Variants in LIFR observed in about 807,000 individuals in gnomAD.
LIFR encodes LIF receptor subunit alpha.
Under a neutral mutation model 122.2 loss-of-function variants are expected in LIFR, and 84 were observed. The ratio of observed to expected loss-of-function variants is 0.69; its 90% CI spans 0.58 to 0.82. LIFR has a LOEUF of 0.82. LIFR is among the 40% of genes least tolerant of loss of function. The pLI is 0.00. For synonymous variants in LIFR, 422 were observed against 434.7 expected (o/e 0.97, Z 0.36); for missense variants, 1,294 against 1,311.6 (o/e 0.99, Z 0.21).
At chr5:38,499,761 C>T (rs1203377877) in intron 11 of LIFR, among the ~76,000 whole-genome samples, 178 bp from the exon 12 acceptor site, 10 of 152,128 alleles carry the variant, frequency 6.6e-5, no homozygotes, top group Admixed American at 2.0e-4. Flanking sequence ...GCAAAACACA[C>T]GGCCCCCTCG....
chr5:38,510,741 T>C (rs1210876808), intron 6 of LIFR, 23 bp from the exon 7 acceptor site: 7 of 1,584,668 alleles, frequency 4.4e-6, no homozygotes, highest in South Asian at 1.1e-5. Context: ...AGAGGAATTA[T>C]AAACATTTTA....
chr5:38,607,860 T>C (rs1750364148), intron 1 of LIFR: 1 of 152,192 alleles, frequency 6.6e-6, no homozygotes, highest in Admixed American at 6.5e-5. Flanking sequence ...AGTTAACAGG[T>C]GTCAGAAACT....
intron 7 of LIFR, among the ~76,000 whole-genome samples, chr5:38,509,414 AAG>A (rs1322068454): frequency 6.6e-6 from 1 of 152,168 alleles, no homozygotes. Flanking sequence ...AGCAGACAAA[AAG>A]AGAGTCAGAT....
intron 10 of LIFR, among the ~76,000 whole-genome samples, chr5:38,503,695 T>C (rs1745302797): frequency 6.7e-6 from 1 of 149,222 alleles, no homozygotes; most frequent in South Asian, 2.1e-4. Flanking sequence ...TGCTAAAAGT[T>C]ACAGCAAAAA....
rs185813355 is a variant in LIFR, at chr5:38,568,982, C to G, written c.-20+26279G>C. ...TGAGAGGTAGGGGCCTTTATATCCCCAGTGATGATCAGTCATTGATGCCAC... is the reference window on the plus strand; with the variant it reads ...TGAGAGGTAGGGGCCTTTATATCCCGAGTGATGATCAGTCATTGATGCCAC... On this transcript the variant is annotated intron_variant, in intron 1 of 19. Coordinates refer to the LIFR transcript ENST00000263409. 2.6e-5 allele frequency among the ~76,000 whole-genome samples: 4 copies of G among 152,320 alleles called. No individual in the cohort carries two copies. The East Asian group carries it at 7.7e-4, about 29-fold the overall frequency.
chr5:38,582,071 C>G (rs13164200), intron 1 of LIFR, among the ~76,000 whole-genome samples: 6 of 115,268 alleles, frequency 5.2e-5, no homozygotes, highest in African/African-American at 1.6e-4. Context: ...TTTTTTTTTT[C>G]TTTTTTTAGA....
intron 1 of LIFR, among the ~76,000 whole-genome samples, chr5:38,532,893 A>G (rs1268300871): frequency 1.3e-5 from 2 of 152,198 alleles, no homozygotes; most frequent in Non-Finnish European, 2.9e-5. Context: ...CTTATTCCTT[A>G]GAGGAGCACA....
At position 38,537,666 on chromosome 5, in the gene LIFR, T is replaced by TAA. The variant is rs56153135; in HGVS notation, c.-19-7002_-19-7001dup. Among the ~76,000 whole-genome samples, 109 of 150,140 alleles carry TAA rather than the reference T, an allele frequency of 7.3e-4. 1 individual carries two copies. Among genetic ancestry groups the TAA allele is most frequent in the Admixed American group, 3.0e-3 (46 of 15,084 alleles). On this transcript the variant is annotated intron_variant, in intron 1 of 19. Coordinates refer to ENST00000453190, the MANE Select transcript of LIFR (RefSeq NM_001127671.2). The stretch of plus-strand genomic sequence containing the variant: ...TCTCACTAATACCAAGGATTGTCTT[T>TAA]AAAAAAAAAAATTATTCTGTTGGGC...
At chr5:38,544,377 C>T (rs1327115974) in intron 1 of LIFR, among the ~76,000 whole-genome samples, 1 of 152,100 alleles carries the variant, frequency 6.6e-6, no homozygotes, top group African/African-American at 2.4e-5. Context: ...CTTTGGTCAC[C>T]GGCTTCCAGT....
At chr5:38,507,222 G>C (rs1040412552) in intron 7 of LIFR, among the ~76,000 whole-genome samples, 1 of 151,312 alleles carries the variant, frequency 6.6e-6, no homozygotes, top group Non-Finnish European at 1.5e-5. Flanking sequence ...GGCAGGACTA[G>C]AAAAATTAAA....
At chr5:38,574,677 C>T (rs1021971269) in intron 1 of LIFR, among the ~76,000 whole-genome samples, 1 of 152,192 alleles carries the variant, frequency 6.6e-6, no homozygotes, top group Non-Finnish European at 1.5e-5. Context: ...AAGCCCTTTA[C>T]TACCCAGCAC....
At chr5:38,492,828 A>G (rs1445964857) in intron 14 of LIFR, among the ~76,000 whole-genome samples, 1 of 152,210 alleles carries the variant, frequency 6.6e-6, no homozygotes, top group Non-Finnish European at 1.5e-5. Context: ...TACAGGGTCC[A>G]GAAATCCCAT....
intron 2 of LIFR, 91 bp downstream of exon 2, chr5:38,530,415 A>C: frequency 9.3e-7 from 1 of 1,078,704 alleles, no homozygotes; most frequent in Non-Finnish European, 1.4e-6. Flanking sequence ...ACAAAATCCT[A>C]AAGGGGTCAA....
intron 1 of LIFR, among the ~76,000 whole-genome samples, chr5:38,543,362 G>A (rs1747696080): frequency 6.6e-6 from 1 of 152,178 alleles, no homozygotes; most frequent in African/African-American, 2.4e-5. Context: ...CTTATCCAAA[G>A]TATTGTGGCT....
chr5:38,584,361 G>A (rs1159531616), intron 1 of LIFR, among the ~76,000 whole-genome samples: 1 of 152,020 alleles, frequency 6.6e-6, no homozygotes. Context: ...TACACACAAA[G>A]ATGAAATCAC....
chr5:38,502,892 A>G, intron 10 of LIFR, 93 bp from the exon 11 acceptor site: 1 of 675,588 alleles, frequency 1.5e-6, no homozygotes, highest in Middle Eastern at 4.5e-4. Flanking sequence ...TTTTTTTGGT[A>G]AGAAAGCCTT....
chr5:38,606,776 C>A (rs951239409), intron 1 of LIFR, among the ~76,000 whole-genome samples: 2 of 152,198 alleles, frequency 1.3e-5, no homozygotes, highest in Non-Finnish European at 2.9e-5. Flanking sequence ...CAATACCTTT[C>A]CATCAAGGAC....
At chr5:38,601,262 A>G (rs1750217613) in intron 2 of LIFR, among the ~76,000 whole-genome samples, 1 of 152,198 alleles carries the variant, frequency 6.6e-6, no homozygotes, top group Non-Finnish European at 1.5e-5. Context: ...CCAGAAAATA[A>G]GCCCTCTCTA....
At chr5:38,594,358 G>A (rs1008222339) in intron 1 of LIFR, among the ~76,000 whole-genome samples, 3 of 152,056 alleles carry the variant, frequency 2.0e-5, no homozygotes, top group Non-Finnish European at 2.9e-5. Flanking sequence ...ATACTATAAC[G>A]GTGCATATAT....
Sources: gnomAD v4.1 joint callset for allele counts (sites outside exome capture counted in the v4.1 genomes callset) on GRCh38, gnomAD v4.1.1 for gene constraint, MANE v1.5 for transcripts, NCBI Gene and HGNC (gene_info 2026-07-23, HGNC 2026-07-21) for gene names.